CLIP4: variants seen among roughly 807,000 people sequenced by gnomAD.
The protein encoded by CLIP4 is CAP-Gly domain-containing linker protein 4.
In CLIP4, 47 loss-of-function variants were observed where a neutral mutation model predicts 73.1. That is an observed-to-expected ratio of 0.64 (90% CI 0.51 to 0.82). The LOEUF (loss-of-function observed/expected upper bound fraction) is 0.82. Ranked by LOEUF, CLIP4 falls within the 40% of genes least tolerant of loss-of-function variation. The probability of loss-of-function intolerance (pLI) is 0.00; values close to 1 mark genes in which losing one functional copy is unlikely to be tolerated. For synonymous variants in CLIP4, 306 were observed against 295.4 expected, an observed-to-expected ratio of 1.04 and a Z score of -0.37; for missense variants, 874 against 852.9, an observed-to-expected ratio of 1.02 and a Z score of -0.31.
chr2:29,172,541 A>G (rs1315360194), intron 14 of CLIP4, among the ~76,000 whole-genome samples: 1 of 152,122 alleles, frequency 6.6e-6, no homozygotes, highest in African/African-American at 2.4e-5. Flanking sequence ...ATGTCTAGGT[A>G]GAGATTTCTT....
intron 6 of CLIP4, among the ~76,000 whole-genome samples, chr2:29,138,243 C>G (rs1341276677): frequency 6.6e-6 from 1 of 152,078 alleles, no homozygotes; most frequent in African/African-American, 2.4e-5. Flanking sequence ...GTTTTCCCAG[C>G]ACCATCTATG....
intron 6 of CLIP4, among the ~76,000 whole-genome samples, chr2:29,136,596 A>T (rs979851880): frequency 6.6e-6 from 1 of 150,532 alleles, no homozygotes; most frequent in Admixed American, 6.6e-5. Flanking sequence ...TCAGTGTGAC[A>T]TGATGGGGCG....
At chr2:29,135,750 T>A in intron 6 of CLIP4, 84 bp downstream of exon 6, 1 of 917,266 alleles carries the variant, frequency 1.1e-6, no homozygotes, top group Non-Finnish European at 1.7e-6. Flanking sequence ...TGAATGTTAT[T>A]AATAGAAGAA....
intron 1 of CLIP4, among the ~76,000 whole-genome samples, chr2:29,109,440 ATAATG>A (rs1668325277): frequency 6.6e-6 from 1 of 152,228 alleles, no homozygotes; most frequent in Non-Finnish European, 1.5e-5. Context: ...TGCAACACAT[ATAATG>A]TATAGTGATC....
chr2:29,165,965 C>T (rs1255856666), intron 13 of CLIP4, among the ~76,000 whole-genome samples: 1 of 105,862 alleles, frequency 9.4e-6, no homozygotes. Flanking sequence ...AAAAGCAGCC[C>T]CCTCTTCTTC....
rs1666083816 is a variant in CLIP4 at position 29,145,372 on chromosome 2, G to A, written c.1021+5G>A. ...TTAAATGTGCCCCCAAGTATGGTAA[G>A]GTTGATATTATTTAACTCGGTAAGA... On this transcript the variant is annotated splice_donor_5th_base_variant and intron_variant, in intron 8 of 15. Transcript: ENST00000320081. 12 of 1,593,786 alleles carry A rather than the reference G, an allele frequency of 7.5e-6. No individual in the cohort carries two copies. Among genetic ancestry groups the A allele is most frequent in the East Asian group, 2.2e-5 (1 of 44,660 alleles).
chr2:29,112,532 T>C (rs900646697), upstream of CLIP4, among the ~76,000 whole-genome samples: 1 of 152,272 alleles, frequency 6.6e-6, no homozygotes, highest in Non-Finnish European at 1.5e-5. Flanking sequence ...GTCTGTTACA[T>C]TTCCCAGTTG....
chr2:29,169,731 C>T (rs1054422332), intron 14 of CLIP4, among the ~76,000 whole-genome samples: 2 of 152,042 alleles, frequency 1.3e-5, no homozygotes, highest in South Asian at 2.1e-4. Flanking sequence ...CCTCAAACAT[C>T]GATCTTTTCT....
At chr2:29,116,258 T>C (rs1401440429) in intron 1 of CLIP4, among the ~76,000 whole-genome samples, 1 of 152,216 alleles carries the variant, frequency 6.6e-6, no homozygotes, top group Non-Finnish European at 1.5e-5. Flanking sequence ...CTGCTTATGA[T>C]GGTAGAGCTT....
At chr2:29,144,007 G>GAT (rs1665975305) in intron 7 of CLIP4, 62 bp downstream of exon 7, 1 of 1,318,036 alleles carries the variant, frequency 7.6e-7, no homozygotes, top group African/African-American at 1.6e-5. Flanking sequence ...TATGTTCAAG[G>GAT]ACACAGTATG....
chr2:29,169,951 A>G (rs1052772891), intron 14 of CLIP4, among the ~76,000 whole-genome samples: 3 of 151,402 alleles, frequency 2.0e-5, no homozygotes, highest in East Asian at 1.9e-4. Flanking sequence ...TAATCATTCT[A>G]CTCTCTACCT....
At chr2:29,138,853 C>G (rs572144041) in intron 6 of CLIP4, among the ~76,000 whole-genome samples, 2 of 152,100 alleles carry the variant, frequency 1.3e-5, no homozygotes, top group Non-Finnish European at 2.9e-5. Flanking sequence ...GATTTTGTGT[C>G]CTGAAACTTT....
At chr2:29,122,559 T>C (rs563032459) in intron 2 of CLIP4, among the ~76,000 whole-genome samples, 447 of 152,248 alleles carry the variant, frequency 2.9e-3, no homozygotes, top group Non-Finnish European at 5.3e-3. Context: ...TAGTCATTTG[T>C]TATTAGTTGC....
intron 5 of CLIP4, among the ~76,000 whole-genome samples, chr2:29,135,059 A>C (rs915505285): frequency 1.3e-5 from 2 of 152,170 alleles, no homozygotes; most frequent in African/African-American, 4.8e-5. Flanking sequence ...TAGTTGTAGC[A>C]TGGAAGTAGC....
intron 14 of CLIP4, among the ~76,000 whole-genome samples, chr2:29,171,279 G>A (rs984637648): frequency 7.9e-5 from 12 of 152,048 alleles, no homozygotes; most frequent in Admixed American, 2.6e-4. Context: ...TTCCATCAGA[G>A]TTTTATAGTT....
At chr2:29,159,890 T>C (rs1667176814) in intron 11 of CLIP4, among the ~76,000 whole-genome samples, 1 of 152,224 alleles carries the variant, frequency 6.6e-6, no homozygotes, top group Admixed American at 6.5e-5. Flanking sequence ...GAAAAAAATA[T>C]ATTGTCTATA....
At chr2:29,104,299 A>C (rs1013680146) in intron 1 of CLIP4, among the ~76,000 whole-genome samples, 14 of 151,170 alleles carry the variant, frequency 9.3e-5, no homozygotes, top group Non-Finnish European at 1.5e-4. Flanking sequence ...GTTTGTTTTG[A>C]GACAGGGTCT....
chr2:29,140,986 A>G (rs543626716), intron 6 of CLIP4, among the ~76,000 whole-genome samples: 1 of 152,218 alleles, frequency 6.6e-6, no homozygotes, highest in African/African-American at 2.4e-5. Flanking sequence ...TACTCTTAAC[A>G]CTGCTTTTGC....
intron 15 of CLIP4, among the ~76,000 whole-genome samples, chr2:29,178,768 C>CAT (rs1405932882): frequency 6.6e-6 from 1 of 152,098 alleles, no homozygotes; most frequent in Non-Finnish European, 1.5e-5. Flanking sequence ...TCTTTCTCTG[C>CAT]ATATATGTGT....
Sources: allele counts gnomAD v4.1 joint callset (sites outside exome capture counted in the v4.1 genomes callset), GRCh38; gene constraint gnomAD v4.1.1; transcripts MANE v1.5; gene names NCBI Gene and HGNC (gene_info 2026-07-23, HGNC 2026-07-21).